The following RANBP2 variants were observed in gnomAD, a reference collection of about 807,000 sequenced individuals.
The protein encoded by RANBP2 is E3 SUMO-protein ligase RanBP2.
Under a neutral mutation model 303.6 loss-of-function variants are expected in RANBP2, and 57 were observed. The observed-to-expected ratio is 0.19, with a 90% confidence interval of 0.15 to 0.23. The LOEUF is 0.23. RANBP2 is among the 10% of genes least tolerant of loss of function. The pLI is 1.00. For missense variants in RANBP2, 3,138 were observed against 3,780.8 expected (o/e 0.83, Z 4.46); for synonymous variants, 1,167 against 1,301.5 (o/e 0.90, Z 2.23).
chr2:109,469,663 A>G, the RANBP2 span, among the ~76,000 whole-genome samples: 1 of 152,190 alleles, frequency 6.6e-6, no homozygotes, highest in African/African-American at 2.4e-5. Context: ...CTGATTAAGG[A>G]CAAATCCACA....
chr2:109,688,562 G>A, the RANBP2 span, among the ~76,000 whole-genome samples: 4 of 152,012 alleles, frequency 2.6e-5, no homozygotes, highest in South Asian at 4.2e-4. Context: ...GGATCACGAG[G>A]TCAAGAGATC....
At chr2:109,073,104 A>G in the RANBP2 span, among the ~76,000 whole-genome samples, 10 of 152,362 alleles carry the variant, frequency 6.6e-5, no homozygotes, top group Admixed American at 5.2e-4. Flanking sequence ...GAATGGAGAT[A>G]TGTGATTTAC....
chr2:109,083,280 C>T, the RANBP2 span, among the ~76,000 whole-genome samples: 2 of 152,124 alleles, frequency 1.3e-5, no homozygotes, highest in African/African-American at 2.4e-5. Flanking sequence ...ACCCATCAAG[C>T]GCTAACTCCT....
chr2:109,180,056 C>T, the RANBP2 span, among the ~76,000 whole-genome samples: 1 of 152,070 alleles, frequency 6.6e-6, no homozygotes, highest in Non-Finnish European at 1.5e-5. Flanking sequence ...GGTTTGCTCT[C>T]TGTGGGGACC....
At chr2:109,006,383 C>T in the RANBP2 span, among the ~76,000 whole-genome samples, 1 of 151,780 alleles carries the variant, frequency 6.6e-6, no homozygotes, top group Non-Finnish European at 1.5e-5. Flanking sequence ...TTATTAGAGA[C>T]GGGGGTTTCA....
intron 15 of RANBP2, among the ~76,000 whole-genome samples, chr2:108,754,362 T>C (rs1275808544): frequency 6.6e-6 from 1 of 151,562 alleles, no homozygotes; most frequent in East Asian, 1.9e-4. Flanking sequence ...TCATCAGCCA[T>C]TGTGAACGCC....
the RANBP2 span, among the ~76,000 whole-genome samples, chr2:109,212,238 A>G: frequency 6.6e-6 from 1 of 151,948 alleles, no homozygotes; most frequent in African/African-American, 2.4e-5. Context: ...TTGACTCCTC[A>G]CTTCCCTCCA....
chr2:109,288,374 A>G, the RANBP2 span, among the ~76,000 whole-genome samples: 1 of 152,226 alleles, frequency 6.6e-6, no homozygotes, highest in Admixed American at 6.5e-5. Flanking sequence ...ACTCAGAGGT[A>G]TTCTCATCTA....
chr2:109,215,695 A>C, the RANBP2 span, among the ~76,000 whole-genome samples: 3 of 152,068 alleles, frequency 2.0e-5, no homozygotes, highest in Admixed American at 6.5e-5. Context: ...GGAATCCTAC[A>C]CCCAGACCGT....
the RANBP2 span, among the ~76,000 whole-genome samples, chr2:109,525,789 C>T: frequency 4.1e-4 from 63 of 152,218 alleles, no homozygotes; most frequent in Non-Finnish European, 8.5e-4. Flanking sequence ...TTCCTACTTG[C>T]ACTTCCTACC....
At chr2:109,463,860 C>T in the RANBP2 span, among the ~76,000 whole-genome samples, 1 of 152,188 alleles carries the variant, frequency 6.6e-6, no homozygotes, top group Non-Finnish European at 1.5e-5. Flanking sequence ...CTGATTCCCT[C>T]AGCTGGGCTT....
the RANBP2 span, among the ~76,000 whole-genome samples, chr2:108,955,072 A>G: frequency 6.6e-6 from 1 of 152,098 alleles, no homozygotes; most frequent in Non-Finnish European, 1.5e-5. Flanking sequence ...AATTTTAATA[A>G]TAGCATTAAA....
At chr2:109,720,987 A>T in the RANBP2 span, among the ~76,000 whole-genome samples, 1 of 152,278 alleles carries the variant, frequency 6.6e-6, no homozygotes, top group African/African-American at 2.4e-5. Flanking sequence ...ATGAATGCCT[A>T]TCAAGTCACA....
chr2:108,885,054 A>G, the RANBP2 span: 1 of 152,256 alleles, frequency 6.6e-6, no homozygotes, highest in South Asian at 2.1e-4. Context: ...GAGAGATGCT[A>G]AAGGAGAATT....
the RANBP2 span, among the ~76,000 whole-genome samples, chr2:109,065,295 C>CT: frequency 1.6e-4 from 25 of 152,000 alleles, no homozygotes; most frequent in South Asian, 2.1e-4. Context: ...CATTAGTGCA[C>CT]TTTTTTTTGC....
At chr2:108,993,109 C>T in the RANBP2 span, among the ~76,000 whole-genome samples, 12 of 152,280 alleles carry the variant, frequency 7.9e-5, no homozygotes, top group Admixed American at 3.9e-4. Context: ...TTGGGTGATA[C>T]GGCGGACACC....
chr2:109,179,540 C>T, the RANBP2 span, among the ~76,000 whole-genome samples: 1 of 152,170 alleles, frequency 6.6e-6, no homozygotes, highest in Non-Finnish European at 1.5e-5. Flanking sequence ...CATGAGCTCA[C>T]AGTTCTGGAG....
the RANBP2 span, among the ~76,000 whole-genome samples, chr2:109,611,643 C>T: frequency 6.6e-6 from 1 of 151,544 alleles, no homozygotes; most frequent in Non-Finnish European, 1.5e-5. Context: ...ACCTATAGTC[C>T]TAGCTACTTG....
the RANBP2 span, among the ~76,000 whole-genome samples, chr2:109,732,081 C>T: frequency 2.0e-5 from 3 of 152,070 alleles, no homozygotes; most frequent in African/African-American, 7.2e-5. Flanking sequence ...TGGTCTCAAA[C>T]TCCTGGGCTC....
Sources: allele counts gnomAD v4.1 joint callset (sites outside exome capture counted in the v4.1 genomes callset), GRCh38; gene constraint gnomAD v4.1.1; transcripts MANE v1.5; gene names NCBI Gene and HGNC (gene_info 2026-07-23, HGNC 2026-07-21).